ELAPOR2: variants seen among roughly 807,000 people sequenced by gnomAD.
ELAPOR2 encodes the protein endosome/lysosome-associated apoptosis and autophagy regulator family member 2.
In ELAPOR2, 89 loss-of-function variants were observed where a neutral mutation model predicts 120.7. The observed-to-expected ratio is 0.74, with a 90% confidence interval of 0.62 to 0.88. The LOEUF (loss-of-function observed/expected upper bound fraction) is 0.88, where lower values mean the gene tolerates loss of function less well. Ranked by LOEUF, ELAPOR2 falls within the 40% of genes least tolerant of loss-of-function variation. The pLI is 0.00. For synonymous variants in ELAPOR2, 444 were observed against 444.9 expected, an observed-to-expected ratio of 1.00 and a Z score of 0.03; for missense variants, 1,134 against 1,251.6, an observed-to-expected ratio of 0.91 and a Z score of 1.42.
intron 2 of ELAPOR2, among the ~76,000 whole-genome samples, chr7:86,952,651 C>G (rs1791310195): frequency 6.6e-6 from 1 of 152,154 alleles, no homozygotes; most frequent in South Asian, 2.1e-4. Flanking sequence ...TAGCAAGTTT[C>G]TATCTTCCAT....
At chr7:87,039,973 A>G (rs942429110) in intron 1 of ELAPOR2, among the ~76,000 whole-genome samples, 4 of 152,230 alleles carry the variant, frequency 2.6e-5, no homozygotes, top group African/African-American at 9.6e-5. Context: ...GCAAGGGGTC[A>G]GGGAGTTCCC....
intron 1 of ELAPOR2, among the ~76,000 whole-genome samples, chr7:87,052,580 G>A (rs1001187516): frequency 3.3e-5 from 5 of 152,138 alleles, no homozygotes; most frequent in South Asian, 4.1e-4. Context: ...CAGGAACCAA[G>A]CACTTATATT....
intron 21 of ELAPOR2, among the ~76,000 whole-genome samples, chr7:86,890,701 G>A (rs1030011360): frequency 7.2e-5 from 11 of 152,004 alleles, no homozygotes; most frequent in African/African-American, 2.2e-4. Flanking sequence ...AAAGATCTCC[G>A]ATCTTAATAA....
intron 10 of ELAPOR2, among the ~76,000 whole-genome samples, chr7:86,924,442 C>A (rs1328966419): frequency 6.6e-6 from 1 of 150,480 alleles, no homozygotes; most frequent in Non-Finnish European, 1.5e-5. Context: ...TATTCTATAC[C>A]CTTGCCTTCC....
chr7:87,022,321 C>G (rs1424654398), intron 1 of ELAPOR2, among the ~76,000 whole-genome samples: 1 of 147,320 alleles, frequency 6.8e-6, no homozygotes, highest in Non-Finnish European at 1.5e-5. Flanking sequence ...CGAGTGAGAA[C>G]ATGTGGTGTT....
Position 86,972,562 on chromosome 7 carries a change from C to T in ELAPOR2, c.190-7538G>A, listed in dbSNP as rs1792139445. On this transcript the variant is annotated intron_variant, in intron 1 of 21. Transcript: ENST00000450689. Reference sequence around the variant, plus strand: ...GGAAAAAATTGAACTAGGGAGGTTACAGATTCAGGGACATCAAGTAAGAAA... The same window carrying T: ...GGAAAAAATTGAACTAGGGAGGTTATAGATTCAGGGACATCAAGTAAGAAA... Among the ~76,000 whole-genome samples, 4 of 148,756 alleles carry T rather than the reference C, an allele frequency of 2.7e-5. No individual in the cohort carries two copies. In the South Asian group the frequency reaches 8.5e-4, roughly 32 times the overall value.
chr7:86,915,071 T>C (rs1250565618), intron 12 of ELAPOR2, among the ~76,000 whole-genome samples: 1 of 152,128 alleles, frequency 6.6e-6, no homozygotes, highest in Admixed American at 6.6e-5. Flanking sequence ...TCAACCACAT[T>C]GTTCATATAA....
intron 21 of ELAPOR2, among the ~76,000 whole-genome samples, chr7:86,883,135 C>G (rs1799502091): frequency 6.6e-6 from 1 of 151,670 alleles, no homozygotes; most frequent in South Asian, 2.1e-4. Context: ...TGACGTAACA[C>G]CCAAATTTGG....
intron 4 of ELAPOR2, 73 bp downstream of exon 4, chr7:86,944,825 TG>T: frequency 8.0e-7 from 1 of 1,255,460 alleles, no homozygotes; most frequent in Non-Finnish European, 1.1e-6. Context: ...TAAAGTGGAA[TG>T]GGAACAACTG....
Position 87,059,643 on chromosome 7 carries a change from G to C in ELAPOR2, c.-130C>G, listed in dbSNP as rs1197121019. ...TCCGTCACCCGCTGCCCGTCCGCCCGCTGACAGCTCTGCTGCGCTCGCGGC... is the reference window on the plus strand; with the variant it reads ...TCCGTCACCCGCTGCCCGTCCGCCCCCTGACAGCTCTGCTGCGCTCGCGGC... On this transcript the variant is annotated 5_prime_UTR_variant, in exon 1 of 22. Transcript: ENST00000450689. 2.4e-5 allele frequency: 24 copies of C among 1,005,724 alleles called. No homozygotes were observed. Among genetic ancestry groups the C allele is most frequent in the Non-Finnish European group, 2.9e-5 (24 of 824,424 alleles). The allele number at this position is 1,005,724 out of a possible 1,614,324, so 62.3% of individuals were successfully genotyped here.
At chr7:87,044,601 T>C (rs1421264554) in intron 1 of ELAPOR2, among the ~76,000 whole-genome samples, 1 of 151,298 alleles carries the variant, frequency 6.6e-6, no homozygotes, top group Admixed American at 6.6e-5. Context: ...TATACAAAAA[T>C]CAATTCAAGA....
At chr7:86,887,337 T>C (rs1162523162) in intron 21 of ELAPOR2, among the ~76,000 whole-genome samples, 3 of 152,038 alleles carry the variant, frequency 2.0e-5, no homozygotes, top group Admixed American at 1.3e-4. Flanking sequence ...GGCACATATT[T>C]TTCTTATGCA....
Position 86,909,825 on chromosome 7 carries a change from T to C in ELAPOR2, c.2346A>G (p.Ala782=), listed in dbSNP as rs923665417. The stretch of plus-strand genomic sequence containing the variant: ...AAGGAAGCTTACCTATGAATGTATC[T>C]GCCAGAATGATGGATTGTGATGATA... ...AALSSQSIIL[A]DTFIGVTVET... Residue 782 remains alanine, a synonymous_variant, in exon 16 of 22, where the codon GCA becomes GCG. Transcript: ENST00000450689. The C allele has an allele frequency of 6.2e-6, 10 of 1,610,176 alleles. No homozygotes were observed. In the Admixed American group the frequency reaches 1.2e-4, roughly 19 times the overall value.
chr7:87,002,540 T>C (rs1212656574), intron 1 of ELAPOR2, among the ~76,000 whole-genome samples: 3 of 152,100 alleles, frequency 2.0e-5, no homozygotes, highest in Non-Finnish European at 4.4e-5. Context: ...CTACCAGGCA[T>C]CATTTCCTCC....
At chr7:86,893,846 TAGAC>T (rs764770644) in intron 19 of ELAPOR2, among the ~76,000 whole-genome samples, 7 of 152,042 alleles carry the variant, frequency 4.6e-5, no homozygotes, top group Non-Finnish European at 7.4e-5. Flanking sequence ...TTTTTTAAAA[TAGAC>T]AGATCAAATA....
chr7:86,892,029 T>C, intron 20 of ELAPOR2, 140 bp from the exon 21 acceptor site: 1 of 567,174 alleles, frequency 1.8e-6, no homozygotes, highest in South Asian at 2.7e-5. Flanking sequence ...CCCTAGCCTA[T>C]AGCCATAGCA....
chr7:86,885,950 G>A (rs1396150602), intron 21 of ELAPOR2, among the ~76,000 whole-genome samples: 1 of 152,084 alleles, frequency 6.6e-6, no homozygotes, highest in African/African-American at 2.4e-5. Flanking sequence ...GGATACCCCA[G>A]GAGTTTCCAA....
chr7:86,925,694 C>T, intron 9 of ELAPOR2, 38 bp from the exon 10 acceptor site: 2 of 1,595,144 alleles, frequency 1.3e-6, no homozygotes, highest in Non-Finnish European at 1.7e-6. Flanking sequence ...TAAAATTAAA[C>T]TGCATATGGA....
At chr7:86,933,244 A>T (rs928650754) in intron 8 of ELAPOR2, among the ~76,000 whole-genome samples, 1 of 151,914 alleles carries the variant, frequency 6.6e-6, no homozygotes, top group Non-Finnish European at 1.5e-5. Flanking sequence ...TTTAGTCTAC[A>T]ATTCTTTATC....
Sources: allele counts gnomAD v4.1 joint callset (sites outside exome capture counted in the v4.1 genomes callset), GRCh38; gene constraint gnomAD v4.1.1; transcripts MANE v1.5; gene names NCBI Gene and HGNC (gene_info 2026-07-23, HGNC 2026-07-21).